The following ZC2HC1B variants were observed in gnomAD, a reference collection of about 807,000 sequenced individuals.
ZC2HC1B encodes zinc finger C2HC-type containing 1B, also known as zinc finger C2HC domain-containing protein 1B.
Under a neutral mutation model 31.0 loss-of-function variants are expected in ZC2HC1B, and 36 were observed. That is an observed-to-expected ratio of 1.16 (90% CI 0.89 to 1.54). The LOEUF is 1.54. Ranked by LOEUF, ZC2HC1B falls within the 40% of genes most tolerant of loss-of-function variation. ZC2HC1B has a pLI of 0.00. For synonymous variants in ZC2HC1B, 73 were observed against 88.0 expected (o/e 0.83, Z 0.95); for missense variants, 260 against 268.6 (o/e 0.97, Z 0.22).
In ZC2HC1B at chr6:143,911,779, G is replaced by C. The variant is rs974152865; in HGVS notation, c.598+8627G>C. On this transcript the variant is annotated intron_variant, in intron 6 of 7. Transcript: ENST00000237275. This position sits in a 1 kb window ranked among gnomAD's most constrained non-coding sequence, Gnocchi z 4.5. The stretch of plus-strand genomic sequence containing the variant: ...GATCTTCTCAGGGAGTATTTTACTG[G>C]GGTTCTCCACATTTCCTGAATTTGA... 2.6e-5 allele frequency among the ~76,000 whole-genome samples: 4 copies of C among 151,978 alleles called. No homozygotes were observed. The highest frequency in any genetic ancestry group is 5.9e-5 in the Non-Finnish European group (4 of 67,978).
At position 143,867,841 on chromosome 6, in the gene ZC2HC1B, T is replaced by C. The variant is rs1056427387; in HGVS notation, c.28+3274T>C. Among the ~76,000 whole-genome samples the C allele has an allele frequency of 5.3e-5, 8 of 152,240 alleles. No individual in the cohort carries two copies. In the South Asian group the frequency reaches 8.3e-4, roughly 16 times the overall value. On this transcript the variant is annotated intron_variant, in intron 1 of 7. Coordinates refer to ENST00000237275, the MANE Select transcript of ZC2HC1B (RefSeq NM_001013623.3). ...CTTTGGTTGTTGTGCCCAGCTATCA[T>C]ACTGGGAATTCCCTTTTCTCTATCC...
At chr6:143,932,283 A>T (rs557068088) in intron 6 of ZC2HC1B, among the ~76,000 whole-genome samples, 2 of 152,332 alleles carry the variant, frequency 1.3e-5, no homozygotes, top group South Asian at 4.1e-4. Flanking sequence ...CTTCGCCAGG[A>T]ACACCAATTA....
intron 5 of ZC2HC1B, among the ~76,000 whole-genome samples, chr6:143,901,250 CTTTTTTTTTTTT>C (rs760366226): frequency 1.4e-4 from 13 of 90,494 alleles, no homozygotes; most frequent in South Asian, 1.2e-3. Flanking sequence ...TTCTTTCTTC[CTTTTTTTTTTTT>C]TTTTTTTTTT....
chr6:143,916,824 C>A (rs1777922789), intron 6 of ZC2HC1B, among the ~76,000 whole-genome samples: 1 of 152,182 alleles, frequency 6.6e-6, no homozygotes, highest in African/African-American at 2.4e-5. Context: ...TAGGAAGTAA[C>A]TAATTTGCTT....
chr6:143,909,531 T>C (rs1002780834), intron 6 of ZC2HC1B, among the ~76,000 whole-genome samples: 1 of 115,156 alleles, frequency 8.7e-6, no homozygotes, highest in Non-Finnish European at 1.8e-5. Context: ...GGTCCTGGGC[T>C]TTTTTTTTTT....
At chr6:143,877,608 T>C (rs1213820434) in intron 1 of ZC2HC1B, among the ~76,000 whole-genome samples, 4 of 150,398 alleles carry the variant, frequency 2.7e-5, no homozygotes, top group African/African-American at 4.9e-5. Context: ...CTAAGAGTTA[T>C]AATTTTCCTT....
intron 6 of ZC2HC1B, among the ~76,000 whole-genome samples, chr6:143,912,142 G>A (rs146789275): frequency 2.5e-4 from 38 of 152,166 alleles, no homozygotes; most frequent in African/African-American, 9.2e-4. Context: ...CTTTAAACTG[G>A]CTATTTGGGC....
At chr6:143,893,731 G>A (rs987157724) in intron 4 of ZC2HC1B, among the ~76,000 whole-genome samples, 8 of 151,828 alleles carry the variant, frequency 5.3e-5, no homozygotes, top group Admixed American at 1.3e-4. Flanking sequence ...CTGTCACCCA[G>A]GCTGGAGTGC....
intron 4 of ZC2HC1B, among the ~76,000 whole-genome samples, chr6:143,892,655 T>A (rs903773194): frequency 1.3e-5 from 2 of 152,144 alleles, no homozygotes; most frequent in Admixed American, 6.5e-5. Context: ...ACTTACTCCT[T>A]AGCAAAAGGA....
At chr6:143,900,749 G>A (rs1267743603) in intron 5 of ZC2HC1B, among the ~76,000 whole-genome samples, 1 of 152,210 alleles carries the variant, frequency 6.6e-6, no homozygotes, top group African/African-American at 2.4e-5. Flanking sequence ...TGGAGAGACA[G>A]GAAGACAATC....
intron 1 of ZC2HC1B, among the ~76,000 whole-genome samples, chr6:143,875,269 T>C (rs898428882): frequency 1.3e-5 from 2 of 152,178 alleles, no homozygotes; most frequent in East Asian, 3.9e-4. Context: ...TTACAAGGCC[T>C]TGGTCAAGGG....
chr6:143,930,006 G>A (rs1353686257), intron 6 of ZC2HC1B, among the ~76,000 whole-genome samples: 3 of 151,958 alleles, frequency 2.0e-5, no homozygotes, highest in Admixed American at 6.6e-5. Flanking sequence ...TTGACCTAGT[G>A]GTCTACCAAT....
chr6:143,907,788 C>T (rs1013018771), intron 6 of ZC2HC1B, among the ~76,000 whole-genome samples: 1 of 152,142 alleles, frequency 6.6e-6, no homozygotes, highest in Non-Finnish European at 1.5e-5. Flanking sequence ...TAACTAGATC[C>T]CATTTGTCAA....
chr6:143,920,118 T>C (rs894040974), intron 6 of ZC2HC1B, among the ~76,000 whole-genome samples: 4 of 152,158 alleles, frequency 2.6e-5, no homozygotes, highest in Non-Finnish European at 2.9e-5. Context: ...TTCTTTATAT[T>C]ATGGTTTCTT....
intron 6 of ZC2HC1B, among the ~76,000 whole-genome samples, chr6:143,904,890 T>C (rs1777776697): frequency 6.6e-6 from 1 of 152,238 alleles, no homozygotes. Context: ...TGACCATGTA[T>C]ACAAGGGTTT....
At chr6:143,896,446 C>T (rs1777667321) in intron 4 of ZC2HC1B, among the ~76,000 whole-genome samples, 1 of 152,192 alleles carries the variant, frequency 6.6e-6, no homozygotes, top group African/African-American at 2.4e-5. Context: ...AAGCTAAAAG[C>T]CATGTTCTAG....
rs900577164 is a variant in ZC2HC1B at position 143,903,804 on chromosome 6, C to T, written c.598+652C>T. ...TATACACTAAATCATCTCCAGATTA[C>T]TTATAATACCTAAGGCAATGTAAAT... On this transcript the variant is annotated intron_variant, in intron 6 of 7. Transcript: ENST00000237275. The surrounding 1 kb of genome is among the most constrained non-coding windows in gnomAD (Gnocchi z 4.3). Among the ~76,000 whole-genome samples the T allele has an allele frequency of 6.6e-6, 1 of 152,176 alleles. No homozygotes were observed. Among genetic ancestry groups the T allele is most frequent in the African/African-American group, 2.4e-5 (1 of 41,432 alleles).
chr6:143,894,586 C>T (rs539450813), intron 4 of ZC2HC1B, among the ~76,000 whole-genome samples: 1 of 152,166 alleles, frequency 6.6e-6, no homozygotes, highest in Admixed American at 6.5e-5. Flanking sequence ...GAAAATAATC[C>T]TCATATTTGC....
intron 4 of ZC2HC1B, among the ~76,000 whole-genome samples, chr6:143,897,609 T>A (rs886781878): frequency 1.2e-4 from 18 of 151,950 alleles, no homozygotes; most frequent in African/African-American, 4.4e-4. Context: ...TCATCCCTCC[T>A]TCTTTCCCTT....
Sources: gnomAD v4.1 joint callset for allele counts (sites outside exome capture counted in the v4.1 genomes callset) on GRCh38, gnomAD v4.1.1 for gene constraint, Gnocchi (gnomAD v3.1) non-coding constraint, MANE v1.5 for transcripts, NCBI Gene and HGNC (gene_info 2026-07-23, HGNC 2026-07-21) for gene names.